RSPH1: variants seen among roughly 807,000 people sequenced by gnomAD.
RSPH1 encodes radial spoke head component 1, also known as radial spoke head 1 homolog.
RSPH1 carries 32 observed loss-of-function variants against 44.2 expected under a neutral mutation model. The ratio of observed to expected loss-of-function variants is 0.72; its 90% CI spans 0.55 to 0.97. RSPH1 has a LOEUF of 0.97. Among genes scored for constraint, RSPH1 ranks in the 50% least tolerant of loss-of-function variants. The pLI is 0.00. For synonymous variants in RSPH1, 134 were observed against 147.3 expected, an observed-to-expected ratio of 0.91 and a Z score of 0.65; for missense variants, 391 against 398.7, an observed-to-expected ratio of 0.98 and a Z score of 0.16.
Position 42,475,614 on chromosome 21 carries a change from T to G in RSPH1, c.877+284A>C, listed in dbSNP as rs4920112. Among the ~76,000 whole-genome samples, 19,006 of 145,314 alleles carry G rather than the reference T, an allele frequency of 0.13. 1,447 individuals carry two copies. The highest frequency in any genetic ancestry group is 0.17 in the Non-Finnish European group (11,495 of 66,766). On this transcript the variant is annotated intron_variant, in intron 8 of 8. Transcript: ENST00000291536. ...CAACAGAAGAAAGCCAGGCTCTGCATGTCTGACAGGGCTCTCCAGCCTGGG... is the reference window on the plus strand; with the variant it reads ...CAACAGAAGAAAGCCAGGCTCTGCAGGTCTGACAGGGCTCTCCAGCCTGGG...
At chr21:42,477,028 TCCCAC>T (rs2054063511) in intron 7 of RSPH1, among the ~76,000 whole-genome samples, 4 of 17,460 alleles carry the variant, frequency 2.3e-4, no homozygotes, top group Non-Finnish European at 5.2e-4. Flanking sequence ...ACACCCTCTG[TCCCAC>T]AGCCCGGGGG....
At chr21:42,490,887 A>G (rs762802611) in intron 3 of RSPH1, among the ~76,000 whole-genome samples, 1 of 152,094 alleles carries the variant, frequency 6.6e-6, no homozygotes, top group Non-Finnish European at 1.5e-5. Context: ...GGAAGGGGCC[A>G]GAGATTAAGC....
intron 1 of RSPH1, among the ~76,000 whole-genome samples, chr21:42,495,114 T>C (rs765684386): frequency 2.6e-5 from 4 of 152,224 alleles, no homozygotes; most frequent in Non-Finnish European, 5.9e-5. Flanking sequence ...AGACTTGGCC[T>C]AATCCAACAG....
At chr21:42,482,821 A>G (rs1244746631) in intron 5 of RSPH1, 113 bp from the exon 6 acceptor site, 7 of 704,720 alleles carry the variant, frequency 9.9e-6, no homozygotes, top group African/African-American at 1.8e-5. Flanking sequence ...AAAGTGTAAC[A>G]TGGATTAAGG....
At chr21:42,476,799 T>A (rs2054056224) in intron 7 of RSPH1, among the ~76,000 whole-genome samples, 1 of 152,036 alleles carries the variant, frequency 6.6e-6, no homozygotes, top group Non-Finnish European at 1.5e-5. Flanking sequence ...TTCTTTCCTC[T>A]CCCCTCCGCT....
At chr21:42,478,044 A>G (rs1163819566) in intron 6 of RSPH1, among the ~76,000 whole-genome samples, 1 of 152,260 alleles carries the variant, frequency 6.6e-6, no homozygotes, top group Non-Finnish European at 1.5e-5. Context: ...ATAAAATTCA[A>G]GGAAAGCAGA....
chr21:42,492,857 AG>A lies in RSPH1; in HGVS notation c.174del (p.Tyr59ThrfsTer84). The A allele has an allele frequency of 6.2e-7, 1 of 1,610,142 alleles. No individual in the cohort carries two copies. The highest frequency in any genetic ancestry group is 8.5e-7 in the Non-Finnish European group (1 of 1,176,396). ...YEFGKRHGQG[I>X]YKFKNGARYI... ...TATCGAGCACCATTTTTAAATTTGT[AG>A]ATCCCCTGAAACACATTGATTATAT... is the stretch of plus-strand genomic sequence containing the variant. On this transcript the variant is annotated frameshift_variant, in exon 3 of 9. Coordinates refer to ENST00000291536, the MANE Select transcript of RSPH1 (RefSeq NM_080860.4). LOFTEE classifies it high-confidence loss of function.
At chr21:42,476,147 T>G in intron 7 of RSPH1, 100 bp from the exon 8 acceptor site, 1 of 1,151,436 alleles carries the variant, frequency 8.7e-7, no homozygotes, top group Non-Finnish European at 1.2e-6. Flanking sequence ...GCCCCCACCC[T>G]CCCCCTCCCA....
intron 4 of RSPH1, chr21:42,486,015 T>G: frequency 3.2e-6 from 2 of 634,524 alleles, no homozygotes; most frequent in Non-Finnish European, 5.4e-6. Flanking sequence ...ACAGGCCAGC[T>G]GGACAGAGGC....
chr21:42,496,163 C>G lies in RSPH1; in HGVS notation c.24G>C (p.Glu8Asp), dbSNP rs780026507. 6.2e-7 allele frequency: 1 copy of G among 1,614,108 alleles called. No homozygotes were observed. Among genetic ancestry groups the G allele is most frequent in the Non-Finnish European group, 8.5e-7 (1 of 1,180,030 alleles). The change falls in exon 1 of 9, where the codon GAG becomes GAC. Residue 8 changes from glutamate (E) to aspartate (D), a missense_variant. Physicochemically the swap from Glu to Asp is conservative, Grantham distance 45. Transcript: ENST00000291536. MSDLGSEELEEEGENDIG... is the reference protein window; with the variant it reads MSDLGSEDLEEEGENDIG... ...TATCATTCTCTCCCTCCTCCTCCAA[C>G]TCCTCCGAGCCCAGGTCCGACATGG...
intron 1 of RSPH1, among the ~76,000 whole-genome samples, chr21:42,495,328 G>C (rs544825544): frequency 1.3e-5 from 2 of 152,250 alleles, no homozygotes; most frequent in African/African-American, 2.4e-5. Flanking sequence ...GGTCTGGGCA[G>C]GCACTGACAG....
intron 3 of RSPH1, among the ~76,000 whole-genome samples, chr21:42,489,904 C>G (rs904541631): frequency 6.6e-6 from 1 of 152,200 alleles, no homozygotes; most frequent in African/African-American, 2.4e-5. Flanking sequence ...TTCCAAAAAA[C>G]CCAGGTTCAA....
At chr21:42,485,854 T>C in intron 4 of RSPH1, 50 bp from the exon 5 acceptor site, 3 of 1,610,736 alleles carry the variant, frequency 1.9e-6, no homozygotes, top group Middle Eastern at 3.6e-4. Context: ...CAGTGAAAAA[T>C]CTCCCAGGTT....
chr21:42,477,347 A>G lies in RSPH1; in HGVS notation c.671T>C (p.Leu224Pro), dbSNP rs773174877. ...ATCCGTAGAGGTCGGCTTTTTGGGGAGAGTTGGTGTCCACAGGGCCAATTC... is the reference window on the plus strand; with the variant it reads ...ATCCGTAGAGGTCGGCTTTTTGGGGGGAGTTGGTGTCCACAGGGCCAATTC... ...ITELALWTPT[L>P]PKKPTSTDGP... The change falls in exon 7 of 9, where the codon CTC (leucine) becomes CCC (proline). Residue 224 changes from leucine (L) to proline (P), a missense_variant. Coordinates refer to ENST00000291536, the MANE Select transcript of RSPH1 (RefSeq NM_080860.4). The G allele has an allele frequency of 1.9e-6, 3 of 1,609,436 alleles. No homozygotes were observed. The highest frequency in any genetic ancestry group is 2.2e-5 in the South Asian group (2 of 90,900).
intron 6 of RSPH1, among the ~76,000 whole-genome samples, chr21:42,479,726 T>TACAC (rs141751119): frequency 0.085 from 12,344 of 145,112 alleles, 557 homozygotes; most frequent in African/African-American, 0.13. Context: ...TGTAGGAGGT[T>TACAC]ACACACACAC....
At chr21:42,473,742 C>T (rs1037228866) in intron 8 of RSPH1, among the ~76,000 whole-genome samples, 8 of 152,158 alleles carry the variant, frequency 5.3e-5, no homozygotes, top group Admixed American at 2.0e-4. Flanking sequence ...TCCCTTTTCA[C>T]TTAGGGCCCT....
intron 1 of RSPH1, 50 bp downstream of exon 1, chr21:42,496,083 C>T (rs1486846818): frequency 6.2e-7 from 1 of 1,606,658 alleles, no homozygotes; most frequent in Non-Finnish European, 8.5e-7. Flanking sequence ...CCTCGAGGTT[C>T]CCCCGCCGCT....
intron 6 of RSPH1, among the ~76,000 whole-genome samples, chr21:42,480,163 G>A (rs960540301): frequency 1.3e-5 from 2 of 152,214 alleles, no homozygotes; most frequent in Admixed American, 6.5e-5. Flanking sequence ...GCGGGAATCA[G>A]GAAAAGAGGG....
intron 5 of RSPH1, 140 bp from the exon 6 acceptor site, chr21:42,482,848 C>A: frequency 1.7e-6 from 1 of 584,260 alleles, no homozygotes; most frequent in South Asian, 2.4e-5. Context: ...TTTGTGAACT[C>A]GTGGCTGATG....
Sources: allele counts gnomAD v4.1 joint callset (sites outside exome capture counted in the v4.1 genomes callset), GRCh38; gene constraint gnomAD v4.1.1; transcripts MANE v1.5; gene names NCBI Gene and HGNC (gene_info 2026-07-23, HGNC 2026-07-21).